Variants in MACC1 observed in about 807,000 individuals in gnomAD.
MACC1 encodes the protein MET transcriptional regulator MACC1.
In MACC1, 79 loss-of-function variants were observed where a neutral mutation model predicts 70.7. That is an observed-to-expected ratio of 1.12 (90% confidence interval 0.93 to 1.35). The LOEUF is 1.35. MACC1 is among the 40% of genes most tolerant of loss of function. The pLI is 0.00. For synonymous variants in MACC1, 361 were observed against 347.2 expected, an observed-to-expected ratio of 1.04 and a Z score of -0.44; for missense variants, 1,106 against 978.1, an observed-to-expected ratio of 1.13 and a Z score of -1.74.
intron 1 of MACC1, among the ~76,000 whole-genome samples, chr7:20,172,362 G>C (rs17142532): frequency 6.6e-6 from 1 of 152,038 alleles, no homozygotes; most frequent in East Asian, 1.9e-4. Context: ...TAGTATATAA[G>C]TACGTAGTCC....
At chr7:20,141,404 C>T (rs1488841962) in intron 6 of MACC1, among the ~76,000 whole-genome samples, 2 of 152,012 alleles carry the variant, frequency 1.3e-5, no homozygotes, top group Admixed American at 6.6e-5. Flanking sequence ...TTCCCTTGAT[C>T]CATCATCTAT....
intron 6 of MACC1, among the ~76,000 whole-genome samples, chr7:20,151,401 C>A (rs142187527): frequency 6.6e-6 from 1 of 152,146 alleles, no homozygotes; most frequent in Admixed American, 6.5e-5. Context: ...CTAACTTTCA[C>A]GGAAGAACCT....
At chr7:20,216,792 G>C (rs1489026146) in intron 1 of MACC1, among the ~76,000 whole-genome samples, 1 of 152,158 alleles carries the variant, frequency 6.6e-6, no homozygotes, top group Non-Finnish European at 1.5e-5. Context: ...TAATGAGGTA[G>C]GTTATGCACA....
At chr7:20,201,010 G>C (rs1374899999) in intron 1 of MACC1, among the ~76,000 whole-genome samples, 7 of 152,136 alleles carry the variant, frequency 4.6e-5, no homozygotes, top group Non-Finnish European at 1.0e-4. Flanking sequence ...TGGTGGGATG[G>C]ATTTCTATTA....
chr7:20,190,913 C>G (rs903346620), intron 1 of MACC1, among the ~76,000 whole-genome samples: 1 of 152,162 alleles, frequency 6.6e-6, no homozygotes, highest in African/African-American at 2.4e-5. Context: ...ACAATTGTTA[C>G]TATGTACACA....
In MACC1 at chr7:20,164,898, T is replaced by A. The variant is rs199794519; in HGVS notation, c.-152-499A>T. Among the ~76,000 whole-genome samples the A allele has an allele frequency of 8.2e-3, 1,243 of 151,988 alleles. 28 individuals carry two copies. The highest frequency in any genetic ancestry group is 0.038 in the Admixed American group (587 of 15,268). On this transcript the variant is annotated intron_variant, in intron 2 of 6. Coordinates refer to ENST00000400331, the MANE Select transcript of MACC1 (RefSeq NM_182762.4). ...CTTAGTAAACTACCTAAACTCTTTT[T>A]TTTTTTATGAGGAAAGAGCAAAATG...
At chr7:20,177,325 T>C (rs1782409197) in intron 1 of MACC1, among the ~76,000 whole-genome samples, 1 of 152,152 alleles carries the variant, frequency 6.6e-6, no homozygotes, top group African/African-American at 2.4e-5. Flanking sequence ...GCTGTTCAAA[T>C]ACACTCTATT....
intron 1 of MACC1, among the ~76,000 whole-genome samples, chr7:20,199,307 C>G (rs142919697): frequency 6.6e-6 from 1 of 152,206 alleles, no homozygotes; most frequent in South Asian, 2.1e-4. Context: ...AAAGAGTTGG[C>G]AAGGTTTGAT....
intron 1 of MACC1, among the ~76,000 whole-genome samples, chr7:20,195,434 A>G (rs1274393584): frequency 6.6e-6 from 1 of 152,240 alleles, no homozygotes; most frequent in Non-Finnish European, 1.5e-5. Flanking sequence ...CAGGAATTTA[A>G]GTTGAATAAA....
intron 1 of MACC1, among the ~76,000 whole-genome samples, chr7:20,180,335 C>T (rs1258857501): frequency 1.3e-5 from 2 of 151,180 alleles, no homozygotes; most frequent in Non-Finnish European, 2.9e-5. Flanking sequence ...CCCAGCTTCT[C>T]GGGAGGCTGA....
chr7:20,208,325 A>G (rs1466281985), intron 1 of MACC1, among the ~76,000 whole-genome samples: 1 of 152,212 alleles, frequency 6.6e-6, no homozygotes, highest in Non-Finnish European at 1.5e-5. Context: ...TCAGAGGAAG[A>G]CAGGAAAATG....
At chr7:20,163,053 A>G (rs1324805655) in intron 3 of MACC1, among the ~76,000 whole-genome samples, 1 of 152,182 alleles carries the variant, frequency 6.6e-6, no homozygotes, top group African/African-American at 2.4e-5. Flanking sequence ...TCCAAAATAT[A>G]TCAAAGATTC....
chr7:20,146,344 T>C (rs1395205829), intron 6 of MACC1, among the ~76,000 whole-genome samples: 3 of 152,194 alleles, frequency 2.0e-5, no homozygotes, highest in Admixed American at 6.5e-5. Flanking sequence ...CATTTCATTC[T>C]GGTTTTCTTA....
intron 1 of MACC1, among the ~76,000 whole-genome samples, chr7:20,205,744 C>A (rs1424665560): frequency 6.6e-6 from 1 of 152,018 alleles, no homozygotes; most frequent in Non-Finnish European, 1.5e-5. Context: ...TTGAGTCGTT[C>A]CATCCTTTTC....
intron 3 of MACC1, among the ~76,000 whole-genome samples, chr7:20,162,106 A>G (rs1782147598): frequency 6.6e-6 from 1 of 152,086 alleles, no homozygotes; most frequent in South Asian, 2.1e-4. Context: ...GAAATATATT[A>G]CTGATCCCAT....
chr7:20,164,156 C>G (rs1782177828), intron 3 of MACC1, 100 bp downstream of exon 3: 1 of 152,270 alleles, frequency 6.6e-6, no homozygotes, highest in South Asian at 2.1e-4. Flanking sequence ...AGGCTGGTCT[C>G]GAACTCCTGA....
intron 6 of MACC1, among the ~76,000 whole-genome samples, chr7:20,149,348 C>T (rs1319911341): frequency 6.6e-6 from 1 of 152,122 alleles, no homozygotes; most frequent in East Asian, 1.9e-4. Flanking sequence ...TCACCTTTTC[C>T]TCTTCCTCTT....
chr7:20,160,611 A>T (rs7789784), intron 4 of MACC1, among the ~76,000 whole-genome samples: 89,465 of 151,912 alleles, frequency 0.59, 26,875 homozygotes, highest in East Asian at 0.86. Context: ...CATGTTTACA[A>T]AAGCAAATTT....
intron 6 of MACC1, among the ~76,000 whole-genome samples, chr7:20,143,207 C>A (rs1781832746): frequency 6.6e-6 from 1 of 152,128 alleles, no homozygotes; most frequent in Admixed American, 6.5e-5. Flanking sequence ...TAGAGGAGCC[C>A]TTAGGCACAC....
Sources: gnomAD v4.1 joint callset for allele counts (sites outside exome capture counted in the v4.1 genomes callset) on GRCh38, gnomAD v4.1.1 for gene constraint, MANE v1.5 for transcripts, NCBI Gene and HGNC (gene_info 2026-07-23, HGNC 2026-07-21) for gene names.